The following IL23R variants were observed in gnomAD, a reference collection of about 807,000 sequenced individuals.
IL23R encodes the protein interleukin-23 receptor.
A neutral mutation model predicts 56.9 loss-of-function variants in IL23R; 34 were observed. The ratio of observed to expected loss-of-function variants is 0.60; its 90% CI spans 0.45 to 0.80. The LOEUF (loss-of-function observed/expected upper bound fraction) is 0.80. Among genes scored for constraint, IL23R ranks in the 30% least tolerant of loss-of-function variants. The pLI is 0.00. For missense variants in IL23R, 635 were observed against 730.0 expected, an observed-to-expected ratio of 0.87 and a Z score of 1.50; for synonymous variants, 230 against 249.2, an observed-to-expected ratio of 0.92 and a Z score of 0.73.
At chr1:67,228,189 T>C (rs551025937) in intron 7 of IL23R, among the ~76,000 whole-genome samples, 4 of 142,750 alleles carry the variant, frequency 2.8e-5, no homozygotes, top group Admixed American at 1.5e-4. Flanking sequence ...CTTCCTTCCT[T>C]CCTTCCTTCC....
At position 67,207,051 on chromosome 1, in the gene IL23R, G is replaced by C. The variant is rs2102637641; in HGVS notation, c.794G>C (p.Trp265Ser). ...MRYKATTNQT[W>S]NVKEFDTNFT... ...TACAAGGCTACAACAAACCAAACTT[G>C]GAATGTAAGCTCAACTTTCATTATG... The change falls in exon 6 of 11, where the codon TGG becomes TCG. Residue 265 changes from tryptophan to serine, a missense_variant. Transcript: ENST00000347310. 6.2e-7 allele frequency: 1 copy of C among 1,613,840 alleles called. No individual in the cohort carries two copies. Among genetic ancestry groups the C allele is most frequent in the Admixed American group, 1.7e-5 (1 of 60,002 alleles).
chr1:67,178,101 G>T (rs1174136028), intron 3 of IL23R, among the ~76,000 whole-genome samples: 1 of 152,110 alleles, frequency 6.6e-6, no homozygotes, highest in African/African-American at 2.4e-5. Context: ...GGCGATGCAG[G>T]CTTGTGTTTG....
intron 7 of IL23R, among the ~76,000 whole-genome samples, chr1:67,235,491 T>A (rs989912790): frequency 8.6e-5 from 13 of 151,888 alleles, no homozygotes; most frequent in Non-Finnish European, 1.5e-4. Flanking sequence ...CCTCCCGGGT[T>A]CAAGTGATTC....
chr1:67,182,794 G>T lies in IL23R; in HGVS notation c.368-42G>T, dbSNP rs372621378. ...TCTTGGCTTGGGACCAGAGAACTTCGTATTTCTTACAGCACCTCCTAAGTG... is the reference window on the plus strand; with the variant it reads ...TCTTGGCTTGGGACCAGAGAACTTCTTATTTCTTACAGCACCTCCTAAGTG... On this transcript the variant is annotated intron_variant, in intron 3 of 10. Transcript: ENST00000347310. 4.3e-6 allele frequency: 7 copies of T among 1,612,008 alleles called. No homozygotes were observed. In the African/African-American group the frequency reaches 6.7e-5, roughly 15 times the overall value.
At chr1:67,233,499 A>C (rs1410808058) in intron 7 of IL23R, among the ~76,000 whole-genome samples, 1 of 152,220 alleles carries the variant, frequency 6.6e-6, no homozygotes, top group African/African-American at 2.4e-5. Context: ...GTTATTGCTA[A>C]AACCAGGTCC....
Position 67,217,290 on chromosome 1 carries a change from C to T in IL23R, c.799-2284C>T, listed in dbSNP as rs11209021. ...TACAGAGGCACTCAATTAAGTCCAG[C>T]TCTTTCAATGTTCATTTTAGCCTCC... On this transcript the variant is annotated intron_variant, in intron 6 of 10. Transcript: ENST00000347310. Among the ~76,000 whole-genome samples the T allele has an allele frequency of 3.0e-3, 453 of 152,264 alleles. 6 individuals carry two copies. The highest frequency in any genetic ancestry group is 0.01 in the African/African-American group (428 of 41,560).
Position 67,178,663 on chromosome 1 carries a change from G to A in IL23R, c.368-4173G>A, listed in dbSNP as rs1215893385. Reference sequence around the variant, plus strand: ...AGAACTTCCAACACTATGTTGAATAGGAGTGGTGAGAGAGGGCATCCCCAT... The same window carrying A: ...AGAACTTCCAACACTATGTTGAATAAGAGTGGTGAGAGAGGGCATCCCCAT... On this transcript the variant is annotated intron_variant, in intron 3 of 10. Coordinates refer to ENST00000347310, the MANE Select transcript of IL23R (RefSeq NM_144701.3). 2.0e-5 allele frequency among the ~76,000 whole-genome samples: 3 copies of A among 152,306 alleles called. No homozygotes were observed. The East Asian group carries it at 5.8e-4, about 29-fold the overall frequency.
At chr1:67,160,739 T>C (rs528789802) in intron 1 of IL23R, among the ~76,000 whole-genome samples, 3 of 152,268 alleles carry the variant, frequency 2.0e-5, no homozygotes, top group Non-Finnish European at 4.4e-5. Flanking sequence ...TGGAGTGCAG[T>C]GGCATGATCA....
intron 9 of IL23R, 54 bp downstream of exon 9, chr1:67,240,335 A>C: frequency 9.0e-7 from 1 of 1,110,184 alleles, no homozygotes. Context: ...TATATGTATC[A>C]CCAAAATTTA....
upstream of IL23R, among the ~76,000 whole-genome samples, chr1:67,165,519 A>G (rs1173917379): frequency 6.6e-6 from 1 of 152,174 alleles, no homozygotes; most frequent in Non-Finnish European, 1.5e-5. Context: ...CTGCCTTCCC[A>G]TGTTCATGAA....
intron 1 of IL23R, among the ~76,000 whole-genome samples, chr1:67,142,951 G>A (rs1646651443): frequency 6.6e-6 from 1 of 152,058 alleles, no homozygotes; most frequent in South Asian, 2.1e-4. Context: ...CTTCCCTATA[G>A]GTTTAAGAGG....
chr1:67,150,767 T>C (rs532882227), intron 1 of IL23R, among the ~76,000 whole-genome samples: 1 of 152,144 alleles, frequency 6.6e-6, no homozygotes, highest in South Asian at 2.1e-4. Context: ...TATAGAAATT[T>C]GAGTGTCATC....
chr1:67,166,581 A>G (rs1282210026), intron 1 of IL23R, 40 bp downstream of exon 1: 1 of 152,372 alleles, frequency 6.6e-6, no homozygotes, highest in African/African-American at 2.4e-5. Context: ...AAAGACAGCT[A>G]TATTTCCTTT....
At chr1:67,155,208 T>C (rs1435410599) in intron 1 of IL23R, among the ~76,000 whole-genome samples, 1 of 152,218 alleles carries the variant, frequency 6.6e-6, no homozygotes, top group African/African-American at 2.4e-5. Context: ...CCTTTCTCTC[T>C]GGCTGCCCTT....
intron 6 of IL23R, among the ~76,000 whole-genome samples, chr1:67,215,381 G>A (rs1649764537): frequency 6.6e-6 from 1 of 152,208 alleles, no homozygotes; most frequent in Admixed American, 6.5e-5. Flanking sequence ...GTCTTTGCAT[G>A]AGCTCTCCTC....
intron 1 of IL23R, among the ~76,000 whole-genome samples, chr1:67,146,857 T>C (rs1646683837): frequency 6.6e-6 from 1 of 152,190 alleles, no homozygotes; most frequent in African/African-American, 2.4e-5. Flanking sequence ...ATACCCTTCT[T>C]CTTGGAGAAA....
At chr1:67,229,090 C>T (rs1202519755) in intron 7 of IL23R, among the ~76,000 whole-genome samples, 4 of 152,194 alleles carry the variant, frequency 2.6e-5, no homozygotes, top group African/African-American at 9.7e-5. Flanking sequence ...TCCTCCAAGT[C>T]AATTCATTCT....
chr1:67,222,825 C>T (rs1353542095), intron 7 of IL23R, among the ~76,000 whole-genome samples: 1 of 152,126 alleles, frequency 6.6e-6, no homozygotes, highest in Non-Finnish European at 1.5e-5. Flanking sequence ...GAGTATGAGA[C>T]TTTTAATCCC....
chr1:67,183,043 C>G, intron 4 of IL23R, 84 bp downstream of exon 4: 1 of 1,455,482 alleles, frequency 6.9e-7, no homozygotes, highest in Non-Finnish European at 9.6e-7. Context: ...TCCAAGAAAT[C>G]AGCCTCAAAC....
Sources: allele counts gnomAD v4.1 joint callset (sites outside exome capture counted in the v4.1 genomes callset), GRCh38; gene constraint gnomAD v4.1.1; transcripts MANE v1.5; gene names NCBI Gene and HGNC (gene_info 2026-07-23, HGNC 2026-07-21).